The following TRMT11 variants were observed in gnomAD, a reference collection of about 807,000 sequenced individuals.
TRMT11 encodes the protein tRNA methyltransferase 11.
A neutral mutation model predicts 62.8 loss-of-function variants in TRMT11; 53 were observed. The observed-to-expected ratio is 0.84, with a 90% CI of 0.68 to 1.06. The LOEUF (loss-of-function observed/expected upper bound fraction) is 1.06, where lower values mean the gene tolerates loss of function less well. TRMT11 is among the 50% of genes least tolerant of loss of function. TRMT11 has a pLI of 0.00. For synonymous variants in TRMT11, 188 were observed against 190.3 expected, an observed-to-expected ratio of 0.99 and a Z score of 0.10; for missense variants, 556 against 553.4, an observed-to-expected ratio of 1.00 and a Z score of -0.05.
the TRMT11 span, among the ~76,000 whole-genome samples, chr6:126,223,423 A>AAAATC: frequency 2.0e-5 from 3 of 148,836 alleles, no homozygotes; most frequent in Non-Finnish European, 4.4e-5. Flanking sequence ...TCCGTCTCGA[A>AAAATC]AAAACAAAAC....
chr6:126,080,376 A>C (rs1228975344), intron 17 of TRMT11, among the ~76,000 whole-genome samples: 2 of 151,986 alleles, frequency 1.3e-5, no homozygotes, highest in East Asian at 3.9e-4. Flanking sequence ...GGCATAAACC[A>C]CCACTCACAG....
In TRMT11 at chr6:125,999,453, T is replaced by A; in HGVS notation, c.523-4T>A. On this transcript the variant is annotated splice_region_variant and splice_polypyrimidine_tract_variant and intron_variant, in intron 6 of 12. Coordinates refer to ENST00000334379, the MANE Select transcript of TRMT11 (RefSeq NM_001031712.3). The stretch of plus-strand genomic sequence containing the variant: ...TACTAACATAAGAAATATCTCTGAT[T>A]TAGATTGCAGATGGACAGAGAGAGC... The A allele has an allele frequency of 6.3e-7, 1 of 1,590,382 alleles. No individual in the cohort carries two copies. The highest frequency in any genetic ancestry group is 8.6e-7 in the Non-Finnish European group (1 of 1,168,546).
chr6:126,257,659 T>C, the TRMT11 span, among the ~76,000 whole-genome samples: 1 of 152,180 alleles, frequency 6.6e-6, no homozygotes, highest in African/African-American at 2.4e-5. Flanking sequence ...TTTTTATTAT[T>C]TTTATTTTTA....
intron 1 of TRMT11, among the ~76,000 whole-genome samples, chr6:125,990,014 T>C (rs1011164930): frequency 2.6e-5 from 4 of 152,234 alleles, no homozygotes; most frequent in African/African-American, 9.6e-5. Context: ...ATGTTTTACA[T>C]GATTATTTTT....
intron 17 of TRMT11, among the ~76,000 whole-genome samples, chr6:126,108,195 T>G (rs757824946): frequency 1.3e-5 from 2 of 152,244 alleles, no homozygotes; most frequent in Non-Finnish European, 2.9e-5. Context: ...TGTTTAGATT[T>G]GTCACAGCCC....
chr6:126,113,619 C>T (rs1355129733), intron 18 of TRMT11, among the ~76,000 whole-genome samples: 2 of 152,034 alleles, frequency 1.3e-5, no homozygotes, highest in African/African-American at 4.8e-5. Context: ...CTACTAGGCA[C>T]GTGGGATACA....
At chr6:126,242,524 C>A in the TRMT11 span, among the ~76,000 whole-genome samples, 3 of 152,310 alleles carry the variant, frequency 2.0e-5, no homozygotes, top group Admixed American at 2.0e-4. Flanking sequence ...CGCTACCTGA[C>A]TTCAAACTAT....
At chr6:126,158,707 A>G (rs1184694724) in intron 21 of TRMT11, among the ~76,000 whole-genome samples, 1 of 152,154 alleles carries the variant, frequency 6.6e-6, no homozygotes, top group African/African-American at 2.4e-5. Context: ...TGCAAAGGCC[A>G]CTTCAAGCTT....
intron 12 of TRMT11, among the ~76,000 whole-genome samples, chr6:126,029,704 A>G (rs1479108503): frequency 6.6e-6 from 1 of 152,214 alleles, no homozygotes; most frequent in Non-Finnish European, 1.5e-5. Context: ...CAAGATTTTT[A>G]GTTTTAATGA....
chr6:126,141,772 T>C (rs910814547), intron 21 of TRMT11, among the ~76,000 whole-genome samples: 1 of 152,138 alleles, frequency 6.6e-6, no homozygotes, highest in African/African-American at 2.4e-5. Flanking sequence ...TTGCAAGATA[T>C]TAATAAATGC....
chr6:126,206,559 A>G (rs1462647849), downstream of TRMT11, among the ~76,000 whole-genome samples: 1 of 152,206 alleles, frequency 6.6e-6, no homozygotes, highest in Non-Finnish European at 1.5e-5. Context: ...AAAACATTTA[A>G]TACAAAAACA....
chr6:126,129,672 G>A (rs1487154118), intron 21 of TRMT11, among the ~76,000 whole-genome samples: 1 of 151,882 alleles, frequency 6.6e-6, no homozygotes, highest in South Asian at 2.1e-4. Flanking sequence ...ACAGGCATGT[G>A]CTACCGTGAC....
chr6:125,997,522 A>G (rs1791722931), intron 3 of TRMT11, among the ~76,000 whole-genome samples: 1 of 152,274 alleles, frequency 6.6e-6, no homozygotes, highest in Non-Finnish European at 1.5e-5. Flanking sequence ...GCGCACGCAC[A>G]TGCATGACAG....
In TRMT11 at chr6:125,998,522, A is replaced by G. The variant is rs370293064; in HGVS notation, c.388-28A>G. 4 of 1,600,056 alleles carry G rather than the reference A, an allele frequency of 2.5e-6. No individual in the cohort carries two copies. In the African/African-American group the frequency reaches 5.4e-5, roughly 22 times the overall value. ...ATTTTTCATTGTAAATTATTATAAGACATCAGCATTTCTTTTGTTTCTTTT... is the reference window on the plus strand; with the variant it reads ...ATTTTTCATTGTAAATTATTATAAGGCATCAGCATTTCTTTTGTTTCTTTT... On this transcript the variant is annotated intron_variant, in intron 5 of 12. Transcript: ENST00000334379.
the TRMT11 span, among the ~76,000 whole-genome samples, chr6:126,253,566 CAT>C: frequency 0.21 from 31,706 of 151,898 alleles, 4,216 homozygotes; most frequent in East Asian, 0.52. Context: ...TCACCAGAAA[CAT>C]GTGAGTAATG....
downstream of TRMT11, chr6:126,202,382 C>T (rs1778742333): frequency 6.6e-6 from 1 of 152,158 alleles, no homozygotes; most frequent in African/African-American, 2.4e-5. Flanking sequence ...GAATTTCATC[C>T]AGTTTCTAAG....
chr6:126,018,607 G>A (rs1795335772), intron 11 of TRMT11, among the ~76,000 whole-genome samples: 2 of 151,532 alleles, frequency 1.3e-5, no homozygotes, highest in Non-Finnish European at 2.9e-5. Context: ...TCACCCCCGA[G>A]AAGTACCCCA....
chr6:126,029,335 A>C (rs1773766073), intron 12 of TRMT11, among the ~76,000 whole-genome samples: 1 of 152,202 alleles, frequency 6.6e-6, no homozygotes, highest in Non-Finnish European at 1.5e-5. Context: ...TCAAGGTTAT[A>C]GAGTAATGCA....
At chr6:126,048,645 T>C (rs1367367337) in intron 16 of TRMT11, among the ~76,000 whole-genome samples, 1 of 152,296 alleles carries the variant, frequency 6.6e-6, no homozygotes. Context: ...TGGCAACACA[T>C]CCGCTGTTAT....
Sources: allele counts gnomAD v4.1 joint callset (sites outside exome capture counted in the v4.1 genomes callset), GRCh38; gene constraint gnomAD v4.1.1; transcripts MANE v1.5; gene names NCBI Gene and HGNC (gene_info 2026-07-23, HGNC 2026-07-21).